Variants in ALK observed in about 807,000 individuals in gnomAD.
ALK encodes ALK tyrosine kinase receptor.
Under a neutral mutation model 163.1 loss-of-function variants are expected in ALK, and 74 were observed. The ratio of observed to expected loss-of-function variants is 0.45; its 90% confidence interval spans 0.38 to 0.55. The LOEUF (loss-of-function observed/expected upper bound fraction) is 0.55. ALK is among the 20% of genes least tolerant of loss of function. The pLI is 0.00. For missense variants in ALK, 2,063 were observed against 2,105.3 expected (o/e 0.98, Z 0.39); for synonymous variants, 960 against 843.2 (o/e 1.14, Z -2.40).
chr2:29,867,290 C>CA (rs1242142827), intron 1 of ALK, among the ~76,000 whole-genome samples: 1 of 152,088 alleles, frequency 6.6e-6, no homozygotes, highest in Non-Finnish European at 1.5e-5. Context: ...AAACAAAAAA[C>CA]AAAAAACATT....
chr2:29,290,019 T>C (rs1665977843), intron 9 of ALK, among the ~76,000 whole-genome samples: 1 of 152,184 alleles, frequency 6.6e-6, no homozygotes, highest in Non-Finnish European at 1.5e-5. Flanking sequence ...CTTGTCTGGG[T>C]GTGCCCATCA....
intron 3 of ALK, among the ~76,000 whole-genome samples, chr2:29,667,253 T>G (rs1412450509): frequency 1.3e-5 from 2 of 152,112 alleles, no homozygotes; most frequent in Admixed American, 1.3e-4. Context: ...TTGAGGAAAC[T>G]TCTTACTGTT....
intron 4 of ALK, among the ~76,000 whole-genome samples, chr2:29,454,103 A>G (rs1429262700): frequency 6.6e-6 from 1 of 152,176 alleles, no homozygotes; most frequent in Non-Finnish European, 1.5e-5. Flanking sequence ...TGCATATGTG[A>G]GTCTCTACAG....
intron 24 of ALK, among the ~76,000 whole-genome samples, chr2:29,211,318 A>G (rs1381229101): frequency 6.8e-6 from 1 of 147,504 alleles, no homozygotes; most frequent in African/African-American, 2.5e-5. Flanking sequence ...AGTTGGCTGT[A>G]TAGCCGTTAA....
intron 1 of ALK, among the ~76,000 whole-genome samples, chr2:29,788,776 G>A (rs1414489604): frequency 2.0e-5 from 3 of 152,218 alleles, no homozygotes; most frequent in Non-Finnish European, 4.4e-5. Flanking sequence ...TAAGGAACAA[G>A]AGCCAAGGGA....
chr2:29,315,583 C>T (rs533601885), intron 8 of ALK, among the ~76,000 whole-genome samples: 1 of 152,274 alleles, frequency 6.6e-6, no homozygotes, highest in East Asian at 1.9e-4. Flanking sequence ...CTCCAAATCA[C>T]CAAGGATAGG....
At chr2:29,728,079 T>C (rs1191401511) in intron 1 of ALK, among the ~76,000 whole-genome samples, 1 of 152,206 alleles carries the variant, frequency 6.6e-6, no homozygotes, top group African/African-American at 2.4e-5. Flanking sequence ...AGACATGTTT[T>C]TGTTCTTTAA....
In ALK at chr2:29,193,626, CGAA is replaced by C; in HGVS notation, c.4458_4460del (p.Ser1487del). 1 of 1,614,228 alleles carries C rather than the reference CGAA, an allele frequency of 6.2e-7. No individual in the cohort carries two copies. Among genetic ancestry groups the C allele is most frequent in the African/African-American group, 1.3e-5 (1 of 75,056 alleles). Reference sequence around the variant, plus strand: ...TGGATCCGTGGACCTTGTGCAACTCCGAAGGAGGGTTGGACTGAGAGAATGCCA... The same window carrying C: ...TGGATCCGTGGACCTTGTGCAACTCCGGAGGGTTGGACTGAGAGAATGCCA... On this transcript the variant is annotated inframe_deletion, in exon 29 of 29. Transcript: ENST00000389048.
intron 3 of ALK, among the ~76,000 whole-genome samples, chr2:29,597,316 C>T (rs992115593): frequency 1.3e-5 from 2 of 152,136 alleles, no homozygotes; most frequent in African/African-American, 2.4e-5. Context: ...AACAGAGTAG[C>T]GAGGGAGTGG....
chr2:29,758,265 C>T (rs938585730), intron 1 of ALK, among the ~76,000 whole-genome samples: 4 of 152,112 alleles, frequency 2.6e-5, no homozygotes, highest in African/African-American at 9.7e-5. Context: ...CTGCCTCAGC[C>T]TCTCAAGGTG....
intron 1 of ALK, among the ~76,000 whole-genome samples, chr2:29,788,337 A>G (rs1462965943): frequency 6.6e-6 from 1 of 152,188 alleles, no homozygotes; most frequent in East Asian, 1.9e-4. Flanking sequence ...TTAACATGAC[A>G]TTCCTTGTCA....
intron 23 of ALK, among the ~76,000 whole-genome samples, chr2:29,220,314 C>T (rs1184967456): frequency 6.6e-6 from 1 of 152,142 alleles, no homozygotes. Flanking sequence ...AGACGTGCCT[C>T]CTTCCCCTTC....
chr2:29,357,060 C>A (rs1419968878), intron 5 of ALK, among the ~76,000 whole-genome samples: 1 of 152,156 alleles, frequency 6.6e-6, no homozygotes, highest in African/African-American at 2.4e-5. Flanking sequence ...GAAGATTCAA[C>A]CAGGCCATGG....
chr2:29,574,737 G>A (rs1161655588), intron 3 of ALK, among the ~76,000 whole-genome samples: 3 of 152,208 alleles, frequency 2.0e-5, no homozygotes, highest in Non-Finnish European at 4.4e-5. Context: ...TGCTGATGAG[G>A]AGGGGAGGCC....
At chr2:29,880,359 G>C (rs974978033) in intron 1 of ALK, among the ~76,000 whole-genome samples, 1 of 152,230 alleles carries the variant, frequency 6.6e-6, no homozygotes, top group African/African-American at 2.4e-5. Flanking sequence ...TCTGACCTCA[G>C]AAGGAAGCAG....
intron 3 of ALK, among the ~76,000 whole-genome samples, chr2:29,601,337 C>T (rs933522302): frequency 1.7e-4 from 26 of 152,170 alleles, no homozygotes; most frequent in Non-Finnish European, 2.6e-4. Context: ...TCTGGTGCCT[C>T]GGTTTCCCCA....
intron 1 of ALK, among the ~76,000 whole-genome samples, chr2:29,758,594 A>G (rs79535403): frequency 6.6e-6 from 1 of 152,148 alleles, no homozygotes; most frequent in African/African-American, 2.4e-5. Context: ...TGCATTGAAT[A>G]CAGGCACCTG....
chr2:29,300,422 A>G (rs934703459), intron 8 of ALK, among the ~76,000 whole-genome samples: 1 of 151,856 alleles, frequency 6.6e-6, no homozygotes, highest in Non-Finnish European at 1.5e-5. Context: ...GGTGGCAGGT[A>G]CCTGTAGTCC....
intron 3 of ALK, among the ~76,000 whole-genome samples, chr2:29,629,150 C>A (rs1036653172): frequency 6.6e-6 from 1 of 152,182 alleles, no homozygotes. Context: ...CCGTTGGAGA[C>A]TCGCTTTCCT....
Sources: gnomAD v4.1 joint callset for allele counts (sites outside exome capture counted in the v4.1 genomes callset) on GRCh38, gnomAD v4.1.1 for gene constraint, MANE v1.5 for transcripts, NCBI Gene and HGNC (gene_info 2026-07-23, HGNC 2026-07-21) for gene names.